Variants in IL15RA observed in about 807,000 individuals in gnomAD.
The protein encoded by IL15RA is interleukin-15 receptor subunit alpha.
In IL15RA, 26 loss-of-function variants were observed where a neutral mutation model predicts 24.2. The observed-to-expected ratio is 1.07, with a 90% CI of 0.79 to 1.49. The LOEUF (loss-of-function observed/expected upper bound fraction) is 1.49. Ranked by LOEUF, IL15RA falls within the 40% of genes most tolerant of loss-of-function variation. IL15RA has a pLI of 0.00. For missense variants in IL15RA, 354 were observed against 356.4 expected (o/e 0.99, Z 0.05); for synonymous variants, 166 against 157.6 (o/e 1.05, Z -0.40).
In IL15RA at chr10:5,965,243, T is replaced by G. The variant is rs1184534941; in HGVS notation, c.283+902A>C. ...GCAGACAGTTAAAAAAAAAAGTTGA[T>G]TCTTGCCACCTTCCCTCACCCCTGC... On this transcript the variant is annotated intron_variant, in intron 2 of 6. Coordinates refer to ENST00000379977, the MANE Select transcript of IL15RA (RefSeq NM_002189.4). This position sits in a 1 kb window ranked among gnomAD's most constrained non-coding sequence, Gnocchi z 5.8. Among the ~76,000 whole-genome samples, 6 of 151,314 alleles carry G rather than the reference T, an allele frequency of 4.0e-5. No homozygotes were observed. The highest frequency in any genetic ancestry group is 1.5e-4 in the African/African-American group (6 of 41,140).
rs1834001361 is a variant in IL15RA, at chr10:5,952,875, G to A, written c.*220C>T. 27 of 600,504 alleles carry A rather than the reference G, an allele frequency of 4.5e-5. 2 individuals carry two copies. The highest frequency in any genetic ancestry group is 6.8e-5 in the Non-Finnish European group (23 of 337,966). The allele number at this position is 600,504 out of a possible 1,614,324, so 37.2% of individuals were successfully genotyped here. On this transcript the variant is annotated 3_prime_UTR_variant, in exon 7 of 7. Coordinates refer to ENST00000379977, the MANE Select transcript of IL15RA (RefSeq NM_002189.4). ...TGGGAAGCTGGGCCCTGGGTCCAAG[G>A]CACGACAGGCAGGCAGGTGGTGCCC...
intron 5 of IL15RA, among the ~76,000 whole-genome samples, chr10:5,957,075 T>A (rs906031737): frequency 6.6e-6 from 1 of 150,540 alleles, no homozygotes; most frequent in Non-Finnish European, 1.5e-5. Context: ...TTCTCCTGCC[T>A]CAGCCTTCTG....
rs747070633 is a variant in IL15RA, at chr10:5,963,871, T to C, written c.284-30A>G. On this transcript the variant is annotated intron_variant, in intron 2 of 6. Coordinates refer to ENST00000379977, the MANE Select transcript of IL15RA (RefSeq NM_002189.4). The surrounding 1 kb of genome is among the most constrained non-coding windows in gnomAD (Gnocchi z 5.3). ...AGAGAGGATAACCACATGGCACTTA[T>C]GATCCTGAGCCTGGAACCTGGGCTG... 17 of 1,439,378 alleles carry C rather than the reference T, an allele frequency of 1.2e-5. No individual in the cohort carries two copies. Among genetic ancestry groups the C allele is most frequent in the Non-Finnish European group, 1.5e-5 (16 of 1,058,914 alleles). The allele number at this position is 1,439,378 out of a possible 1,614,324, so 89.2% of individuals were successfully genotyped here. A position where few individuals can be genotyped will look rare whatever the true frequency, so the allele number is the denominator to read the frequency against.
In IL15RA at chr10:5,953,431, G is replaced by T. The variant is rs1254906603; in HGVS notation, c.693-225C>A. On this transcript the variant is annotated intron_variant, in intron 6 of 6. Transcript: ENST00000379977. This position sits in a 1 kb window ranked among gnomAD's most constrained non-coding sequence, Gnocchi z 5.3. Reference sequence around the variant, plus strand: ...TAAATCCTATCTAGGGGCCAGGTGTGGTGGCGCATGCCTGTAATCCTAGCA... The same window carrying T: ...TAAATCCTATCTAGGGGCCAGGTGTTGTGGCGCATGCCTGTAATCCTAGCA... 103 of 693,056 alleles carry T rather than the reference G, an allele frequency of 1.5e-4. No homozygotes were observed. Among genetic ancestry groups the T allele is most frequent in the Non-Finnish European group, 5.3e-5 (20 of 378,450 alleles). The allele number at this position is 693,056 out of a possible 1,614,324, so 42.9% of individuals were successfully genotyped here.
Position 5,952,633 on chromosome 10 carries a change from CCCAAACG to C in IL15RA, c.*455_*461del, listed in dbSNP as rs538037556. On this transcript the variant is annotated 3_prime_UTR_variant, in exon 7 of 7. Coordinates refer to ENST00000379977, the MANE Select transcript of IL15RA (RefSeq NM_002189.4). ...CAGCTGGAGACAGGGTGGTTAGAAG[CCCAAACG>C]CTGGTGTCTTCCCTGTAGACGTCTC... The C allele has an allele frequency of 1.8e-3, 318 of 174,842 alleles. 1 individual carries two copies. Among genetic ancestry groups the C allele is most frequent in the African/African-American group, 7.2e-3 (300 of 41,872 alleles). 10.8% of individuals were successfully genotyped at this position (174,842 alleles called of 1,614,324 possible). A position where few individuals can be genotyped will look rare whatever the true frequency, so the allele number is the denominator to read the frequency against.
At chr10:5,978,618 C>T (rs893845893), upstream of IL15RA, among the ~76,000 whole-genome samples, 1 of 152,132 alleles carries the variant, frequency 6.6e-6, no homozygotes, top group African/African-American at 2.4e-5. The surrounding 1 kb of genome is among the most constrained non-coding windows in gnomAD (Gnocchi z 5.2). Context: ...AATTTAGGGC[C>T]GAGCGCGGTG....
At position 5,966,744 on chromosome 10, in the gene IL15RA, G is replaced by C. The variant is rs11574673; in HGVS notation, c.89-405C>G. Among the ~76,000 whole-genome samples the C allele has an allele frequency of 6.6e-6, 1 of 152,066 alleles. No individual in the cohort carries two copies. The highest frequency in any genetic ancestry group is 1.5e-5 in the Non-Finnish European group (1 of 68,028). On this transcript the variant is annotated intron_variant, in intron 1 of 6. Transcript: ENST00000379977. The surrounding 1 kb of genome is among the most constrained non-coding windows in gnomAD (Gnocchi z 6.4). ...TGCAGGCTCTCCCACAGGTCTCTGCGGCCAGCATCACCTTTAGAAATGCAT... is the reference window on the plus strand; with the variant it reads ...TGCAGGCTCTCCCACAGGTCTCTGCCGCCAGCATCACCTTTAGAAATGCAT...
rs537137914 is a variant in IL15RA, at chr10:5,953,031, C to A, written c.*64G>T. 4 of 1,207,550 alleles carry A rather than the reference C, an allele frequency of 3.3e-6. No individual in the cohort carries two copies. The South Asian group carries it at 4.9e-5, about 15-fold the overall frequency. The allele number at this position is 1,207,550 out of a possible 1,614,324, so 74.8% of individuals were successfully genotyped here. A position where few individuals can be genotyped will look rare whatever the true frequency, so the allele number is the denominator to read the frequency against. On this transcript the variant is annotated 3_prime_UTR_variant, in exon 7 of 7. Coordinates refer to ENST00000379977, the MANE Select transcript of IL15RA (RefSeq NM_002189.4). This position sits in a 1 kb window ranked among gnomAD's most constrained non-coding sequence, Gnocchi z 5.3. ...CCGCTTCCTTGCACCTCTTCTCAGT[C>A]GTCTTTAGCTAAAGCAGAGAGGCTC... is the stretch of plus-strand genomic sequence containing the variant.
chr10:5,952,047 C>A (rs1833912411), downstream of IL15RA, among the ~76,000 whole-genome samples: 1 of 152,106 alleles, frequency 6.6e-6, no homozygotes, highest in South Asian at 2.1e-4. Flanking sequence ...AATTTCTCAT[C>A]TATAAAATGA....
rs1021823746 is a variant in IL15RA at position 5,975,911 on chromosome 10, GAAAGAA to G, written c.88+1488_88+1493del. Among the ~76,000 whole-genome samples the G allele has an allele frequency of 2.0e-5, 3 of 151,940 alleles. No individual in the cohort carries two copies. The highest frequency in any genetic ancestry group is 4.4e-5 in the Non-Finnish European group (3 of 67,990). ...CCGTCTCAAAAAAGAAAACAAGAAA[GAAAGAA>G]AAAGAAAAAGAAAAAACATTGAGAG... On this transcript the variant is annotated intron_variant, in intron 1 of 6. Transcript: ENST00000379977. The surrounding 1 kb of genome is among the most constrained non-coding windows in gnomAD (Gnocchi z 4.8).
intron 6 of IL15RA, among the ~76,000 whole-genome samples, chr10:5,954,559 G>A (rs1320862250): frequency 6.6e-6 from 1 of 152,138 alleles, no homozygotes; most frequent in Non-Finnish European, 1.5e-5. Flanking sequence ...CTCCCAAAGT[G>A]CTGGGATTAC....
chr10:5,949,851 C>T (rs12248076), downstream of IL15RA, among the ~76,000 whole-genome samples: 9,333 of 152,218 alleles, frequency 0.061, 508 homozygotes, highest in African/African-American at 0.15. The surrounding 1 kb of genome is among the most constrained non-coding windows in gnomAD (Gnocchi z 4.4). Flanking sequence ...AATCCCAGCA[C>T]TTTGGAGGCT....
In IL15RA at chr10:5,965,364, C is replaced by G. The variant is rs2132501810; in HGVS notation, c.283+781G>C. Among the ~76,000 whole-genome samples the G allele has an allele frequency of 6.6e-6, 1 of 152,390 alleles. No individual in the cohort carries two copies. Among genetic ancestry groups the G allele is most frequent in the South Asian group, 2.1e-4 (1 of 4,832 alleles). The stretch of plus-strand genomic sequence containing the variant: ...GGTACTGAGAGAGGAGCAGTGATGG[C>G]TTCCAACATCCACCTTCTCATGGGA... On this transcript the variant is annotated intron_variant, in intron 2 of 6. Coordinates refer to ENST00000379977, the MANE Select transcript of IL15RA (RefSeq NM_002189.4). This position sits in a 1 kb window ranked among gnomAD's most constrained non-coding sequence, Gnocchi z 5.8.
Position 5,973,782 on chromosome 10 carries a change from C to T in IL15RA, c.88+3623G>A, listed in dbSNP as rs1837983708. Among the ~76,000 whole-genome samples, 1 of 152,132 alleles carries T rather than the reference C, an allele frequency of 6.6e-6. No individual in the cohort carries two copies. Among genetic ancestry groups the T allele is most frequent in the South Asian group, 2.1e-4 (1 of 4,822 alleles). ...CTAGGCAAATATTTCTTAGATATGACACCAAAAGCCCAAAACACAACATAA... is the reference window on the plus strand; with the variant it reads ...CTAGGCAAATATTTCTTAGATATGATACCAAAAGCCCAAAACACAACATAA... On this transcript the variant is annotated intron_variant, in intron 1 of 6. Coordinates refer to ENST00000379977, the MANE Select transcript of IL15RA (RefSeq NM_002189.4). This position sits in a 1 kb window ranked among gnomAD's most constrained non-coding sequence, Gnocchi z 4.5.
At chr10:5,957,815 C>T (rs191910737) in intron 5 of IL15RA, among the ~76,000 whole-genome samples, 2 of 152,246 alleles carry the variant, frequency 1.3e-5, no homozygotes, top group East Asian at 1.9e-4. Flanking sequence ...TGGTCTCGAA[C>T]TCCTGGCCTC....
At chr10:5,950,927 C>T (rs1833813749), downstream of IL15RA, 1 of 152,006 alleles carries the variant, frequency 6.6e-6, no homozygotes, top group Non-Finnish European at 1.5e-5. This position sits in a 1 kb window ranked among gnomAD's most constrained non-coding sequence, Gnocchi z 5.6. Flanking sequence ...TGCTTGGGCT[C>T]ACAAGTTCAA....
chr10:5,966,215 G>T lies in IL15RA; in HGVS notation c.213C>A (p.Ser71Arg). The change falls in exon 2 of 7, where the codon AGC becomes AGA. Residue 71 changes from serine (S) to arginine (R), a missense_variant. Ser to Arg is a moderately radical substitution (Grantham distance 110, BLOSUM62 -1). Transcript: ENST00000379977. This position sits in a 1 kb window ranked among gnomAD's most constrained non-coding sequence, Gnocchi z 6.4. Reference protein sequence around the residue: ...SGFKRKAGTSSLTECVLNKAT... With the variant: ...SGFKRKAGTSRLTECVLNKAT... Reference sequence around the variant, plus strand: ...CCTTGTTCAACACGCACTCCGTCAGGCTGGACGTGCCGGCTTTACGCTTGA... The same window carrying T: ...CCTTGTTCAACACGCACTCCGTCAGTCTGGACGTGCCGGCTTTACGCTTGA... The T allele has an allele frequency of 1.1e-5, 17 of 1,614,146 alleles. No individual in the cohort carries two copies. The highest frequency in any genetic ancestry group is 1.4e-5 in the Non-Finnish European group (17 of 1,179,986).
Position 5,970,024 on chromosome 10 carries a change from A to G in IL15RA, c.89-3685T>C, listed in dbSNP as rs8177666. Among the ~76,000 whole-genome samples the G allele has an allele frequency of 0.16, 24,943 of 152,146 alleles. 2,444 individuals are homozygous for G. The highest frequency in any genetic ancestry group is 0.31 in the East Asian group (1,600 of 5,182). ...TTGGTGTCTTGACTCTGTATTCTGC[A>G]CCCTTGTAAACTCACTTATTCTAAT... is the stretch of plus-strand genomic sequence containing the variant. On this transcript the variant is annotated intron_variant, in intron 1 of 6. Coordinates refer to ENST00000379977, the MANE Select transcript of IL15RA (RefSeq NM_002189.4). The surrounding 1 kb of genome is among the most constrained non-coding windows in gnomAD (Gnocchi z 4.1).
rs1314639710 is a variant in IL15RA, at chr10:5,953,602, C to T, written c.693-396G>A. Among the ~76,000 whole-genome samples, 1 of 152,178 alleles carries T rather than the reference C, an allele frequency of 6.6e-6. No individual in the cohort carries two copies. Among genetic ancestry groups the T allele is most frequent in the African/African-American group, 2.4e-5 (1 of 41,454 alleles). Reference sequence around the variant, plus strand: ...CAAGTGCTGTTGGAGCAACTTACGCCACCCTGCCATCACCCCACGCTTTGC... The same window carrying T: ...CAAGTGCTGTTGGAGCAACTTACGCTACCCTGCCATCACCCCACGCTTTGC... On this transcript the variant is annotated intron_variant, in intron 6 of 6. Coordinates refer to ENST00000379977, the MANE Select transcript of IL15RA (RefSeq NM_002189.4). The surrounding 1 kb of genome is among the most constrained non-coding windows in gnomAD (Gnocchi z 5.3).
Sources: gnomAD v4.1 joint callset for allele counts (sites outside exome capture counted in the v4.1 genomes callset) on GRCh38, gnomAD v4.1.1 for gene constraint, Gnocchi (gnomAD v3.1) non-coding constraint, MANE v1.5 for transcripts, NCBI Gene and HGNC (gene_info 2026-07-23, HGNC 2026-07-21) for gene names.